Variants in AFAP1 observed in about 807,000 individuals in gnomAD.
AFAP1 encodes actin filament associated protein 1.
AFAP1 carries 75 observed loss-of-function variants against 93.9 expected under a neutral mutation model. That is an observed-to-expected ratio of 0.80 (90% CI 0.66 to 0.97). AFAP1 has a LOEUF of 0.97. Ranked by LOEUF, AFAP1 falls within the 50% of genes least tolerant of loss-of-function variation. AFAP1 has a pLI of 0.00. For missense variants in AFAP1, 1,201 were observed against 1,050.8 expected, an observed-to-expected ratio of 1.14 and a Z score of -1.98; for synonymous variants, 517 against 430.7, an observed-to-expected ratio of 1.20 and a Z score of -2.48.
chr4:7,770,150 C>T (rs966026373), intron 16 of AFAP1, among the ~76,000 whole-genome samples: 15 of 152,210 alleles, frequency 9.9e-5, no homozygotes, highest in Non-Finnish European at 2.2e-4. Flanking sequence ...AGTCGCAAAG[C>T]ACAGTGGACT....
At chr4:7,810,391 G>A (rs1027421228) in intron 8 of AFAP1, among the ~76,000 whole-genome samples, 6 of 152,192 alleles carry the variant, frequency 3.9e-5, no homozygotes, top group African/African-American at 1.4e-4. Context: ...AAACCGTCCA[G>A]GTAAGAAAAA....
chr4:7,905,309 C>T (rs1486912726), intron 1 of AFAP1, among the ~76,000 whole-genome samples: 1 of 152,246 alleles, frequency 6.6e-6, no homozygotes. Context: ...TGGTTCCTAG[C>T]AGGTAATCTT....
At position 7,856,882 on chromosome 4, in the gene AFAP1, C is replaced by T. The variant is rs148340577; in HGVS notation, c.226-1308G>A. Among the ~76,000 whole-genome samples, 73 of 152,278 alleles carry T rather than the reference C, an allele frequency of 4.8e-4. 1 individual carries two copies. The East Asian group carries it at 0.014, about 29-fold the overall frequency. On this transcript the variant is annotated intron_variant, in intron 3 of 17. Coordinates refer to ENST00000420658, the MANE Select transcript of AFAP1 (RefSeq NM_001134647.2). ...GACACTTCTGCACTTGCCACATGAA[C>T]GTCAATCAATCCATGCAGGAATCCT...
At chr4:7,775,153 T>G in intron 14 of AFAP1, 1 of 429,364 alleles carries the variant, frequency 2.3e-6, no homozygotes, top group South Asian at 4.0e-5. Context: ...AAAAATTAGG[T>G]TTATTCAAGC....
chr4:7,832,009 C>T (rs916792257), intron 6 of AFAP1, among the ~76,000 whole-genome samples: 6 of 152,148 alleles, frequency 3.9e-5, no homozygotes, highest in Non-Finnish European at 7.4e-5. Flanking sequence ...CCTGCTTGAT[C>T]GCTATGGATC....
intron 1 of AFAP1, among the ~76,000 whole-genome samples, chr4:7,922,155 T>A (rs1720474056): frequency 6.6e-6 from 1 of 152,084 alleles, no homozygotes; most frequent in Non-Finnish European, 1.5e-5. Flanking sequence ...CACAGGGCAA[T>A]GATGGGAGTA....
intron 17 of AFAP1, among the ~76,000 whole-genome samples, chr4:7,767,351 G>A (rs571883190): frequency 3.5e-4 from 54 of 152,224 alleles, no homozygotes; most frequent in Admixed American, 3.2e-3. Context: ...TTTGAGGGTC[G>A]GGACCACAGA....
At chr4:7,764,152 T>C (rs986567298) in intron 17 of AFAP1, among the ~76,000 whole-genome samples, 1 of 152,216 alleles carries the variant, frequency 6.6e-6, no homozygotes, top group African/African-American at 2.4e-5. Context: ...GCAACCTGGA[T>C]GAACCTTGAG....
intron 1 of AFAP1, among the ~76,000 whole-genome samples, chr4:7,872,951 A>G (rs1230205430): frequency 6.7e-6 from 1 of 150,010 alleles, no homozygotes; most frequent in South Asian, 2.1e-4. Flanking sequence ...AAAAAAAAAA[A>G]AAAAAAAAAC....
intron 3 of AFAP1, among the ~76,000 whole-genome samples, chr4:7,868,381 A>G (rs1307480020): frequency 2.0e-5 from 3 of 152,098 alleles, no homozygotes; most frequent in Admixed American, 6.5e-5. Flanking sequence ...GCTATAGGTA[A>G]TTTATGGTGG....
At chr4:7,862,279 G>A (rs1348689620) in intron 3 of AFAP1, 1 of 152,350 alleles carries the variant, frequency 6.6e-6, no homozygotes, top group African/African-American at 2.4e-5. Context: ...GCTGCAGTGA[G>A]CTGTGATCAT....
chr4:7,881,389 G>C (rs1560217812), intron 1 of AFAP1, among the ~76,000 whole-genome samples: 1 of 152,016 alleles, frequency 6.6e-6, no homozygotes, highest in Non-Finnish European at 1.5e-5. Context: ...CAATGCCAAT[G>C]AGCACAGCTC....
At chr4:7,893,055 G>C (rs1718560628) in intron 1 of AFAP1, among the ~76,000 whole-genome samples, 2 of 152,090 alleles carry the variant, frequency 1.3e-5, no homozygotes, top group Non-Finnish European at 2.9e-5. Flanking sequence ...AAGACACAAA[G>C]ACTGAAATCA....
chr4:7,925,584 C>T (rs1329152708), intron 1 of AFAP1, among the ~76,000 whole-genome samples: 1 of 151,840 alleles, frequency 6.6e-6, no homozygotes, highest in Non-Finnish European at 1.5e-5. Flanking sequence ...TGGTGGCTCA[C>T]GCCTGTAATC....
intron 1 of AFAP1, among the ~76,000 whole-genome samples, chr4:7,927,022 T>C (rs1418204362): frequency 6.6e-6 from 1 of 152,212 alleles, no homozygotes; most frequent in Non-Finnish European, 1.5e-5. Flanking sequence ...TCAGGCATCC[T>C]GACCTTTTGT....
At chr4:7,923,554 C>T (rs1233282533) in intron 1 of AFAP1, among the ~76,000 whole-genome samples, 1 of 152,242 alleles carries the variant, frequency 6.6e-6, no homozygotes, top group African/African-American at 2.4e-5. Context: ...TCTTGGCTCA[C>T]TGCAACCTCC....
rs567365404 is a variant in AFAP1 at position 7,859,067 on chromosome 4, G to A, written c.226-3493C>T. 3.3e-5 allele frequency among the ~76,000 whole-genome samples: 5 copies of A among 152,212 alleles called. No individual in the cohort carries two copies. The South Asian group carries it at 8.3e-4, about 25-fold the overall frequency. ...CAGTCCGTGCACATGCCCCTAACAC[G>A]GCCTGCATCTGTCCCCACTGTTTCC... On this transcript the variant is annotated intron_variant, in intron 3 of 17. Transcript: ENST00000420658.
intron 1 of AFAP1, among the ~76,000 whole-genome samples, chr4:7,890,976 A>G (rs973573858): frequency 2.0e-5 from 3 of 152,228 alleles, no homozygotes; most frequent in Non-Finnish European, 2.9e-5. Flanking sequence ...AGCTTTCTTC[A>G]TAACAGCCCA....
chr4:7,813,445 ATTT>A, intron 8 of AFAP1, among the ~76,000 whole-genome samples: 1 of 152,256 alleles, frequency 6.6e-6, no homozygotes, highest in East Asian at 1.9e-4. Context: ...AAACAGGAGA[ATTT>A]TAAATACAGA....
Sources: allele counts gnomAD v4.1 joint callset (sites outside exome capture counted in the v4.1 genomes callset), GRCh38; gene constraint gnomAD v4.1.1; transcripts MANE v1.5; gene names NCBI Gene and HGNC (gene_info 2026-07-23, HGNC 2026-07-21).